The following FGD3 variants were observed in gnomAD, a reference collection of about 807,000 sequenced individuals.
FGD3 encodes the protein FYVE, RhoGEF and PH domain-containing protein 3.
In FGD3, 45 loss-of-function variants were observed where a neutral mutation model predicts 71.8. The ratio of observed to expected loss-of-function variants is 0.63; its 90% CI spans 0.49 to 0.80. The LOEUF is 0.80. Ranked by LOEUF, FGD3 falls within the 30% of genes least tolerant of loss-of-function variation. The pLI is 0.00. For missense variants in FGD3, 844 were observed against 951.5 expected (o/e 0.89, Z 1.49); for synonymous variants, 378 against 392.8 (o/e 0.96, Z 0.44).
rs1336075638 is a variant in FGD3, at chr9:92,969,453, G to A, written c.-217-5785G>A. ...ATTTAGGGGAGGGATGTCAGAGTCC[G>A]CTTTTAGATTGAAGTGGCATCAAAG... On this transcript the variant is annotated intron_variant, in intron 1 of 17. Coordinates refer to ENST00000375482, the MANE Select transcript of FGD3 (RefSeq NM_001083536.2). The surrounding 1 kb of genome is among the most constrained non-coding windows in gnomAD (Gnocchi z 4.5). Among the ~76,000 whole-genome samples, 4 of 152,222 alleles carry A rather than the reference G, an allele frequency of 2.6e-5. No homozygotes were observed. Among genetic ancestry groups the A allele is most frequent in the African/African-American group, 9.7e-5 (4 of 41,450 alleles).
In FGD3 at chr9:92,976,510, T is replaced by C. The variant is rs377079877; in HGVS notation, c.254T>C (p.Val85Ala). The C allele has an allele frequency of 7.4e-6, 12 of 1,612,468 alleles. No homozygotes were observed. Among genetic ancestry groups the C allele is most frequent in the Non-Finnish European group, 9.3e-6 (11 of 1,179,754 alleles). The change falls in exon 3 of 18, where the codon GTG becomes GCG. Residue 85 changes from valine (V) to alanine (A), a missense_variant. Physicochemically the swap from Val to Ala is moderately conservative, Grantham distance 64 (BLOSUM62 0). Transcript: ENST00000375482. ...DSGIDSPSSS[V>A]AGENFPCEEG... ...GGGATCGACAGTCCCTCCTCCAGTGTGGCTGGAGAGAACTTTCCCTGCGAG... is the reference window on the plus strand; with the variant it reads ...GGGATCGACAGTCCCTCCTCCAGTGCGGCTGGAGAGAACTTTCCCTGCGAG...
chr9:92,982,621 C>T (rs922400257), intron 3 of FGD3, among the ~76,000 whole-genome samples: 8 of 150,284 alleles, frequency 5.3e-5, no homozygotes, highest in South Asian at 2.1e-4. Flanking sequence ...TAGAGTGCAA[C>T]GGCAAGATCA....
intron 1 of FGD3, among the ~76,000 whole-genome samples, chr9:92,971,350 GCATCC>G (rs1859518871): frequency 6.6e-6 from 1 of 151,972 alleles, no homozygotes; most frequent in African/African-American, 2.4e-5. Flanking sequence ...TGAGCACAGT[GCATCC>G]CTCTCCTCTG....
chr9:92,986,864 C>T (rs977942877), intron 3 of FGD3, among the ~76,000 whole-genome samples: 4 of 152,162 alleles, frequency 2.6e-5, no homozygotes, highest in Non-Finnish European at 2.9e-5. Context: ...AGAGGTCATC[C>T]GAGCTGGTAG....
chr9:92,966,994 C>T (rs1859356635), intron 1 of FGD3, among the ~76,000 whole-genome samples: 1 of 149,842 alleles, frequency 6.7e-6, no homozygotes, highest in Non-Finnish European at 1.5e-5. Flanking sequence ...TGGAGTCTCA[C>T]TCTGTCTCCC....
intron 3 of FGD3, among the ~76,000 whole-genome samples, chr9:92,988,734 A>G (rs116461241): frequency 0.02 from 2,997 of 152,338 alleles, 112 homozygotes; most frequent in African/African-American, 0.068. Flanking sequence ...TATGATAAAT[A>G]CAACATTCTT....
chr9:92,988,348 C>A (rs1860268321), intron 3 of FGD3, among the ~76,000 whole-genome samples: 1 of 152,220 alleles, frequency 6.6e-6, no homozygotes, highest in Non-Finnish European at 1.5e-5. Flanking sequence ...CATGCCCAGG[C>A]AAGACCCTGC....
intron 14 of FGD3, among the ~76,000 whole-genome samples, chr9:93,029,156 C>G (rs949945171): frequency 1.3e-5 from 2 of 151,836 alleles, no homozygotes; most frequent in South Asian, 4.2e-4. Flanking sequence ...CTCAGCCTCC[C>G]GAGTAGCTGG....
chr9:93,004,030 G>A lies in FGD3; in HGVS notation c.573G>A (p.Gly191=). The change falls in exon 5 of 18, where the codon GGG becomes GGA. Residue 191 remains glycine, a synonymous_variant. Transcript: ENST00000375482. ...QVFCTRLTDA[G]IPPEVIMGIF... ...TCTGCACCAGGCTGACGGATGCGGG[G>A]ATCCCTCCAGAAGTCATCATGGGCA... is the stretch of plus-strand genomic sequence containing the variant. The A allele has an allele frequency of 6.2e-7, 1 of 1,614,162 alleles. No homozygotes were observed. The highest frequency in any genetic ancestry group is 8.5e-7 in the Non-Finnish European group (1 of 1,180,034).
chr9:92,982,057 G>A (rs1454809943), intron 3 of FGD3, among the ~76,000 whole-genome samples: 2 of 152,118 alleles, frequency 1.3e-5, no homozygotes, highest in African/African-American at 4.8e-5. Flanking sequence ...TCCTTCTACA[G>A]TGTCATAGAA....
chr9:93,020,327 C>T lies in FGD3; in HGVS notation c.1397C>T (p.Ala466Val). 1.2e-6 allele frequency: 2 copies of T among 1,611,506 alleles called. No homozygotes were observed. The highest frequency in any genetic ancestry group is 8.5e-7 in the Non-Finnish European group (1 of 1,178,916). The change falls in exon 13 of 18, where the codon GCC becomes GTC. Residue 466 changes from alanine (A) to valine (V), a missense_variant. Physicochemically the swap from Ala to Val is moderately conservative, Grantham distance 64. Coordinates refer to ENST00000375482, the MANE Select transcript of FGD3 (RefSeq NM_001083536.2). ...EKKEWIQIIQATIEKHKQNSE... is the reference protein window; with the variant it reads ...EKKEWIQIIQVTIEKHKQNSE... ...TGTTGCTGTGTCCAGATCATCCAGG[C>T]CACCATCGAGAAGCACAAACAGAAC...
In FGD3 at chr9:92,957,760, C is replaced by T. The variant is rs1048022602; in HGVS notation, c.-218+10031C>T. On this transcript the variant is annotated intron_variant, in intron 1 of 17. Coordinates refer to ENST00000375482, the MANE Select transcript of FGD3 (RefSeq NM_001083536.2). ...GCAGTAGCATGATCTCTGCTCACTG[C>T]AGCCTCCACTTCCCAGGTTCAAGTG... is the stretch of plus-strand genomic sequence containing the variant. Among the ~76,000 whole-genome samples, 17 of 148,772 alleles carry T rather than the reference C, an allele frequency of 1.1e-4. No individual in the cohort carries two copies. The Admixed American group carries it at 1.2e-3, about 10-fold the overall frequency.
At chr9:93,009,647 G>A (rs1861219695) in intron 6 of FGD3, among the ~76,000 whole-genome samples, 1 of 152,232 alleles carries the variant, frequency 6.6e-6, no homozygotes, top group African/African-American at 2.4e-5. Flanking sequence ...ATGCCAGATG[G>A]AGACATGGCA....
At chr9:92,965,076 A>G (rs1859266776) in intron 1 of FGD3, among the ~76,000 whole-genome samples, 2 of 152,162 alleles carry the variant, frequency 1.3e-5, no homozygotes, top group East Asian at 1.9e-4. Context: ...CAAGAGGTGC[A>G]TGGACTGATG....
At chr9:93,021,289 G>A (rs991947437) in intron 13 of FGD3, among the ~76,000 whole-genome samples, 20 of 152,326 alleles carry the variant, frequency 1.3e-4, no homozygotes, top group African/African-American at 4.3e-4. Context: ...GGCCCAGGGG[G>A]ATTTCACATG....
chr9:92,948,255 T>C (rs1285421955), intron 1 of FGD3, among the ~76,000 whole-genome samples: 1 of 152,232 alleles, frequency 6.6e-6, no homozygotes, highest in Non-Finnish European at 1.5e-5. Context: ...ACCTTATTCT[T>C]GCCACTCGGC....
At chr9:92,965,781 C>T (rs1246427186) in intron 1 of FGD3, among the ~76,000 whole-genome samples, 1 of 152,214 alleles carries the variant, frequency 6.6e-6, no homozygotes. Context: ...ACCTGGGAGT[C>T]ACTGGTGCAT....
intron 1 of FGD3, among the ~76,000 whole-genome samples, chr9:92,973,701 G>A (rs543879212): frequency 4.6e-5 from 7 of 152,316 alleles, no homozygotes; most frequent in South Asian, 2.1e-4. Context: ...GGGCATAGGC[G>A]TGTCCCTGCC....
At chr9:92,950,579 C>T (rs907975746) in intron 1 of FGD3, among the ~76,000 whole-genome samples, 1 of 152,136 alleles carries the variant, frequency 6.6e-6, no homozygotes, top group Non-Finnish European at 1.5e-5. Context: ...AGGACTGTTC[C>T]GTGCGGATTC....
Sources: allele counts gnomAD v4.1 joint callset (sites outside exome capture counted in the v4.1 genomes callset), GRCh38; gene constraint gnomAD v4.1.1; non-coding constraint Gnocchi (gnomAD v3.1); transcripts MANE v1.5; gene names NCBI Gene and HGNC (gene_info 2026-07-23, HGNC 2026-07-21).